GCSAML: variants seen among roughly 807,000 people sequenced by gnomAD.
The protein encoded by GCSAML is germinal center-associated signaling and motility-like protein.
GCSAML carries 9 observed loss-of-function variants against 13.0 expected under a neutral mutation model. The ratio of observed to expected loss-of-function variants is 0.69; its 90% CI spans 0.42 to 1.21. The LOEUF (loss-of-function observed/expected upper bound fraction) is 1.21, where lower values mean the gene tolerates loss of function less well. GCSAML is among the 50% of genes most tolerant of loss of function. The pLI is 0.00. For missense variants in GCSAML, 143 were observed against 153.4 expected (o/e 0.93, Z 0.36); for synonymous variants, 37 against 52.9 (o/e 0.70, Z 1.31).
At chr1:247,556,886 C>A (rs943474391) in intron 2 of GCSAML, among the ~76,000 whole-genome samples, 7 of 152,112 alleles carry the variant, frequency 4.6e-5, no homozygotes, top group Non-Finnish European at 1.0e-4. Context: ...AAACTCTTCA[C>A]CAGGGCCTAC....
chr1:247,515,439 T>C (rs1397846200), intron 1 of GCSAML, among the ~76,000 whole-genome samples: 40 of 152,262 alleles, frequency 2.6e-4, no homozygotes, highest in Admixed American at 2.5e-3. Flanking sequence ...CTAATTAATA[T>C]ATAATAACTC....
Position 247,515,654 on chromosome 1 carries a change from G to A in GCSAML, c.-263+8421G>A, listed in dbSNP as rs530607293. Among the ~76,000 whole-genome samples, 11 of 152,290 alleles carry A rather than the reference G, an allele frequency of 7.2e-5. No individual in the cohort carries two copies. In the South Asian group the frequency reaches 2.1e-3, roughly 29 times the overall value. ...GAAACTTACAATCATGGCAGATGGCGAAGGGGAAGCAAGCTCCTCTTACCA... is the reference window on the plus strand; with the variant it reads ...GAAACTTACAATCATGGCAGATGGCAAAGGGGAAGCAAGCTCCTCTTACCA... On this transcript the variant is annotated intron_variant, in intron 1 of 5. Coordinates refer to the GCSAML transcript ENST00000366489.
intron 1 of GCSAML, among the ~76,000 whole-genome samples, chr1:247,516,703 T>C (rs1024497529): frequency 2.0e-5 from 3 of 152,272 alleles, no homozygotes; most frequent in Non-Finnish European, 4.4e-5. Flanking sequence ...AGCAGAGCTA[T>C]GGAAAACAAG....
At chr1:247,521,112 CA>C (rs1164370871) in intron 1 of GCSAML, among the ~76,000 whole-genome samples, 240 of 76,748 alleles carry the variant, frequency 3.1e-3, no homozygotes, top group African/African-American at 9.5e-3. Context: ...TACATTCTTG[CA>C]TTTTTTTTTT....
intron 1 of GCSAML, among the ~76,000 whole-genome samples, chr1:247,515,554 A>G (rs1399584799): frequency 6.6e-6 from 1 of 152,184 alleles, no homozygotes; most frequent in African/African-American, 2.4e-5. Flanking sequence ...GAGACAGGGC[A>G]ATTTATGAAG....
At position 247,573,361 on chromosome 1, in the gene GCSAML, C is replaced by T. The variant is rs143066317; in HGVS notation, c.169-782C>T. The stretch of plus-strand genomic sequence containing the variant: ...CTCCTGGTCTGTGGGTTGCAAAGAC[C>T]GTGGGAAAAGTGTAGTGTCTGGGCT... On this transcript the variant is annotated intron_variant, in intron 4 of 4. Coordinates refer to ENST00000366488, the MANE Select transcript of GCSAML (RefSeq NM_145278.5). Among the ~76,000 whole-genome samples the T allele has an allele frequency of 9.4e-3, 1,427 of 152,254 alleles. 25 individuals are homozygous for T. Among genetic ancestry groups the T allele is most frequent in the African/African-American group, 0.033 (1,354 of 41,542 alleles).
chr1:247,562,875 C>T (rs980806259), intron 2 of GCSAML, among the ~76,000 whole-genome samples: 1 of 151,770 alleles, frequency 6.6e-6, no homozygotes, highest in Non-Finnish European at 1.5e-5. Context: ...GAGACTCGCT[C>T]TGTCACCAGG....
chr1:247,521,588 G>A (rs964898550), intron 1 of GCSAML, among the ~76,000 whole-genome samples: 1 of 152,168 alleles, frequency 6.6e-6, no homozygotes, highest in Non-Finnish European at 1.5e-5. Context: ...CGCTGTGTTG[G>A]CTGGGCTGGA....
intron 2 of GCSAML, chr1:247,529,416 A>C (rs998155276): frequency 6.6e-6 from 1 of 152,218 alleles, no homozygotes; most frequent in Non-Finnish European, 1.5e-5. Context: ...GAATGATGGA[A>C]TGGCCTGCTG....
intron 2 of GCSAML, among the ~76,000 whole-genome samples, chr1:247,559,712 G>T (rs1668060217): frequency 6.6e-6 from 1 of 152,198 alleles, no homozygotes; most frequent in Non-Finnish European, 1.5e-5. Flanking sequence ...GCGGAGACTG[G>T]AAGTCTGAGA....
At chr1:247,512,701 C>T (rs1187916223) in intron 1 of GCSAML, among the ~76,000 whole-genome samples, 2 of 152,050 alleles carry the variant, frequency 1.3e-5, no homozygotes, top group Admixed American at 1.3e-4. Context: ...TTCTGTGTGG[C>T]ATCCTTCTTG....
intron 3 of GCSAML, among the ~76,000 whole-genome samples, chr1:247,564,186 C>A (rs1668249807): frequency 6.6e-6 from 1 of 152,114 alleles, no homozygotes; most frequent in South Asian, 2.1e-4. Flanking sequence ...CCTGCCTCAG[C>A]CTCCGAAAGT....
intron 2 of GCSAML, chr1:247,531,559 G>T (rs147306837): frequency 3.1e-5 from 50 of 1,612,914 alleles, no homozygotes; most frequent in Non-Finnish European, 4.2e-5. Flanking sequence ...CTAAATTTGC[G>T]CCAGCTTGCC....
At chr1:247,571,905 C>A (rs1668629333) in intron 4 of GCSAML, among the ~76,000 whole-genome samples, 1 of 152,042 alleles carries the variant, frequency 6.6e-6, no homozygotes, top group South Asian at 2.1e-4. Flanking sequence ...TGTTCCTTTT[C>A]ATTTTTTTTT....
At chr1:247,535,489 C>G (rs1177519038) in intron 2 of GCSAML, among the ~76,000 whole-genome samples, 1 of 152,132 alleles carries the variant, frequency 6.6e-6, no homozygotes, top group African/African-American at 2.4e-5. Flanking sequence ...CGCAGGTGAG[C>G]TGAAAAACAA....
chr1:247,563,752 G>GA, intron 3 of GCSAML, 113 bp downstream of exon 3: 1 of 521,476 alleles, frequency 1.9e-6, no homozygotes, highest in East Asian at 3.3e-5. Context: ...AGGCTGCTTG[G>GA]AGTTCTTACT....
intron 4 of GCSAML, among the ~76,000 whole-genome samples, chr1:247,572,173 A>G (rs962143868): frequency 6.6e-6 from 1 of 151,584 alleles, no homozygotes; most frequent in African/African-American, 2.4e-5. Context: ...GGAAGAGTTT[A>G]TTACCCACCT....
upstream of GCSAML, among the ~76,000 whole-genome samples, chr1:247,547,207 T>C (rs148959395): frequency 6.6e-6 from 1 of 152,356 alleles, no homozygotes; most frequent in Non-Finnish European, 1.5e-5. Context: ...CTTAATTTTC[T>C]ACATGGCATT....
intron 2 of GCSAML, among the ~76,000 whole-genome samples, chr1:247,534,216 A>G (rs1215105794): frequency 6.6e-6 from 1 of 152,166 alleles, no homozygotes; most frequent in East Asian, 1.9e-4. Flanking sequence ...GCTCCACTAG[A>G]TCATAAATTC....
Sources: gnomAD v4.1 joint callset for allele counts (sites outside exome capture counted in the v4.1 genomes callset) on GRCh38, gnomAD v4.1.1 for gene constraint, MANE v1.5 for transcripts, NCBI Gene and HGNC (gene_info 2026-07-23, HGNC 2026-07-21) for gene names.